CNTN5: variants seen among roughly 807,000 people sequenced by gnomAD.
CNTN5 encodes contactin-5.
In CNTN5, 77 loss-of-function variants were observed where a neutral mutation model predicts 129.1. That is an observed-to-expected ratio of 0.60 (90% CI 0.50 to 0.72). The LOEUF (loss-of-function observed/expected upper bound fraction) is 0.72, where lower values mean the gene tolerates loss of function less well. Among genes scored for constraint, CNTN5 ranks in the 30% least tolerant of loss-of-function variants. The pLI is 0.00. For missense variants in CNTN5, 1,478 were observed against 1,328.8 expected (o/e 1.11, Z -1.75); for synonymous variants, 509 against 465.6 (o/e 1.09, Z -1.20).
intron 18 of CNTN5, among the ~76,000 whole-genome samples, chr11:100,287,785 A>C (rs1418418541): frequency 6.6e-6 from 1 of 152,210 alleles, no homozygotes; most frequent in Non-Finnish European, 1.5e-5. Flanking sequence ...AATGGACTAA[A>C]TGCTCCAATT....
chr11:99,183,805 T>C (rs945708224), intron 1 of CNTN5, among the ~76,000 whole-genome samples: 2 of 152,148 alleles, frequency 1.3e-5, no homozygotes, highest in African/African-American at 4.8e-5. Flanking sequence ...TCTTACTAGA[T>C]ATTTATTTGC....
intron 24 of CNTN5, among the ~76,000 whole-genome samples, chr11:100,354,708 T>C (rs537591413): frequency 3.3e-5 from 5 of 151,708 alleles, no homozygotes. Flanking sequence ...TTAGATGGTA[T>C]AGCTTACTAT....
At chr11:99,754,545 G>C (rs940802955) in intron 3 of CNTN5, among the ~76,000 whole-genome samples, 1 of 152,160 alleles carries the variant, frequency 6.6e-6, no homozygotes, top group African/African-American at 2.4e-5. Flanking sequence ...CCTCCTAAGA[G>C]AAGTTGTGGT....
chr11:99,745,841 A>T (rs1162178491), intron 3 of CNTN5, among the ~76,000 whole-genome samples: 1 of 152,074 alleles, frequency 6.6e-6, no homozygotes, highest in Admixed American at 6.5e-5. Flanking sequence ...ACTTATAAAT[A>T]GTAAGGAAGA....
intron 15 of CNTN5, among the ~76,000 whole-genome samples, chr11:100,199,967 A>T (rs908181663): frequency 6.6e-6 from 1 of 152,042 alleles, no homozygotes; most frequent in Admixed American, 6.6e-5. Context: ...CAACTGCTAC[A>T]TTATTTCAGA....
intron 23 of CNTN5, among the ~76,000 whole-genome samples, chr11:100,346,297 A>G (rs1952277551): frequency 6.6e-6 from 1 of 152,168 alleles, no homozygotes; most frequent in African/African-American, 2.4e-5. Context: ...AAATGCCAAA[A>G]AAGCTTATTG....
At chr11:99,328,548 A>T (rs1047055366) in intron 2 of CNTN5, among the ~76,000 whole-genome samples, 2 of 152,094 alleles carry the variant, frequency 1.3e-5, no homozygotes, top group African/African-American at 4.8e-5. Context: ...CCAGTATTTT[A>T]TAGGAAAATT....
chr11:99,906,396 A>C (rs926222185), intron 6 of CNTN5, among the ~76,000 whole-genome samples: 1 of 152,148 alleles, frequency 6.6e-6, no homozygotes, highest in African/African-American at 2.4e-5. Flanking sequence ...CTATTGAGGT[A>C]ATCATGTGGT....
At chr11:99,477,610 G>A (rs1945425419) in intron 2 of CNTN5, among the ~76,000 whole-genome samples, 1 of 151,590 alleles carries the variant, frequency 6.6e-6, no homozygotes, top group Non-Finnish European at 1.5e-5. Flanking sequence ...ATAGTTAGAA[G>A]TATACCAAAG....
chr11:99,303,004 A>G (rs1220067627), intron 1 of CNTN5, among the ~76,000 whole-genome samples: 2 of 151,654 alleles, frequency 1.3e-5, no homozygotes. Context: ...CCTGCAATCT[A>G]TAAATATTTT....
chr11:99,504,395 G>A (rs1377903679), intron 2 of CNTN5, among the ~76,000 whole-genome samples: 1 of 151,880 alleles, frequency 6.6e-6, no homozygotes, highest in African/African-American at 2.4e-5. Context: ...CAAAAAATTA[G>A]CCGGGCATAG....
intron 1 of CNTN5, among the ~76,000 whole-genome samples, chr11:99,088,002 T>C (rs1866069189): frequency 6.6e-6 from 1 of 152,188 alleles, no homozygotes; most frequent in Admixed American, 6.5e-5. Context: ...CCCTAAATTT[T>C]ATCTTGCACT....
intron 2 of CNTN5, among the ~76,000 whole-genome samples, chr11:99,529,838 T>C (rs1017799842): frequency 6.6e-6 from 1 of 151,884 alleles, no homozygotes; most frequent in African/African-American, 2.4e-5. Flanking sequence ...GAGTGGAGTA[T>C]GGAAAAGAAA....
intron 9 of CNTN5, among the ~76,000 whole-genome samples, chr11:100,058,995 A>G (rs1315704480): frequency 2.0e-5 from 3 of 152,170 alleles, no homozygotes; most frequent in Non-Finnish European, 4.4e-5. Context: ...ATCCAGAAAG[A>G]AGTAGTGAGA....
intron 2 of CNTN5, among the ~76,000 whole-genome samples, chr11:99,552,551 G>C (rs1948528101): frequency 6.6e-6 from 1 of 152,100 alleles, no homozygotes. Flanking sequence ...ACCAAGAAAG[G>C]CTTCTAGAAA....
At chr11:99,482,521 T>G (rs971151943) in intron 2 of CNTN5, among the ~76,000 whole-genome samples, 2 of 152,234 alleles carry the variant, frequency 1.3e-5, no homozygotes, top group Admixed American at 6.5e-5. Flanking sequence ...CAGTTGCTTT[T>G]TGTTCTTAAT....
chr11:99,283,656 G>A (rs985305362), intron 1 of CNTN5, among the ~76,000 whole-genome samples: 6 of 152,190 alleles, frequency 3.9e-5, no homozygotes, highest in Admixed American at 2.6e-4. Flanking sequence ...AGTTTGTAAC[G>A]AGCACTGTGC....
intron 3 of CNTN5, among the ~76,000 whole-genome samples, chr11:99,642,051 C>A (rs1951790862): frequency 6.6e-6 from 1 of 152,074 alleles, no homozygotes; most frequent in Non-Finnish European, 1.5e-5. Flanking sequence ...CTTCAAGCAT[C>A]CTTTTCTGGG....
intron 6 of CNTN5, among the ~76,000 whole-genome samples, chr11:99,852,410 CA>C (rs550700739): frequency 7.9e-4 from 121 of 152,270 alleles, no homozygotes; most frequent in South Asian, 6.4e-3. Context: ...CTCGTGGTTT[CA>C]AGTGATCCTC....
Sources: gnomAD v4.1 joint callset for allele counts (sites outside exome capture counted in the v4.1 genomes callset) on GRCh38, gnomAD v4.1.1 for gene constraint, MANE v1.5 for transcripts, NCBI Gene and HGNC (gene_info 2026-07-23, HGNC 2026-07-21) for gene names.